IPO7: variants seen among roughly 807,000 people sequenced by gnomAD.
IPO7 encodes importin 7, also known as importin-7.
In IPO7, 13 loss-of-function variants were observed where a neutral mutation model predicts 136.4. The ratio of observed to expected loss-of-function variants is 0.10; its 90% CI spans 0.06 to 0.15. The LOEUF (loss-of-function observed/expected upper bound fraction) is 0.15. Ranked by LOEUF, IPO7 falls within the 10% of genes least tolerant of loss-of-function variation. The pLI, the probability that IPO7 is intolerant of heterozygous loss-of-function variation, is 1.00. For missense variants in IPO7, 857 were observed against 1,240.6 expected, an observed-to-expected ratio of 0.69 and a Z score of 4.65; for synonymous variants, 403 against 404.4, an observed-to-expected ratio of 1.00 and a Z score of 0.04.
intron 2 of IPO7, among the ~76,000 whole-genome samples, chr11:9,403,711 A>G (rs1372497685): frequency 6.6e-6 from 1 of 152,194 alleles, no homozygotes; most frequent in Non-Finnish European, 1.5e-5. Context: ...TTTTGCTTTT[A>G]TCGTTTTAAC....
rs113591524 is a variant in IPO7, at chr11:9,414,393, C to T, written c.618C>T (p.Ile206=). The T allele has an allele frequency of 1.1e-5, 17 of 1,606,220 alleles. No homozygotes were observed. The African/African-American group carries it at 1.3e-4, about 13-fold the overall frequency. The change falls in exon 5 of 25, where the codon ATC becomes ATT. Residue 206 remains isoleucine, a synonymous_variant. Transcript: ENST00000379719. ...TCATCCAGAAACAGATATTCAAGAT[C>T]TTCTATGCTCTTGTTCAGGTAATAT... ...SVLIQKQIFK[I]FYALVQYTLP...
At chr11:9,406,433 G>A (rs1017852022) in intron 2 of IPO7, among the ~76,000 whole-genome samples, 13 of 152,026 alleles carry the variant, frequency 8.6e-5, no homozygotes, top group African/African-American at 3.1e-4. Context: ...TGACCTTTAG[G>A]AGTGATATTA....
At chr11:9,434,806 C>G (rs941101673) in intron 18 of IPO7, 128 bp from the exon 19 acceptor site, 2 of 690,494 alleles carry the variant, frequency 2.9e-6, no homozygotes, top group Admixed American at 2.3e-5. Context: ...CCCCCTCCCC[C>G]CAAAAAAAGG....
rs1284698011 is a variant in IPO7 at position 9,433,605 on chromosome 11, C to T, written c.1917C>T (p.Val639=). ...AGCTTGAGGGAATCTGCTTACAGGT[C>T]ATTGGTACTGTTTTACAACAGCATG... ...TQQLEGICLQ[V]IGTVLQQHVL... Residue 639 remains valine, a synonymous_variant, in exon 17 of 25, where the codon GTC becomes GTT. Coordinates refer to ENST00000379719, the MANE Select transcript of IPO7 (RefSeq NM_006391.3). 6.2e-7 allele frequency: 1 copy of T among 1,612,456 alleles called. No homozygotes were observed. The highest frequency in any genetic ancestry group is 8.5e-7 in the Non-Finnish European group (1 of 1,179,880).
intron 2 of IPO7, among the ~76,000 whole-genome samples, chr11:9,403,706 C>G (rs966154156): frequency 6.6e-6 from 1 of 152,098 alleles, no homozygotes. Flanking sequence ...CACCTTTTTG[C>G]TTTTATCGTT....
At chr11:9,429,864 A>G (rs772070992) in intron 15 of IPO7, 30 bp downstream of exon 15, 23 of 1,531,326 alleles carry the variant, frequency 1.5e-5, no homozygotes, top group South Asian at 4.9e-5. Flanking sequence ...CATATTTGCA[A>G]GCATTTTAAT....
intron 6 of IPO7, among the ~76,000 whole-genome samples, chr11:9,418,519 A>AT (rs1855075953): frequency 6.6e-6 from 1 of 152,190 alleles, no homozygotes; most frequent in South Asian, 2.1e-4. Flanking sequence ...CCAAAGTCCT[A>AT]TTTTGTAGTT....
chr11:9,433,977 G>A (rs951163915), intron 18 of IPO7, 131 bp downstream of exon 18: 60 of 857,436 alleles, frequency 7.0e-5, no homozygotes, highest in Non-Finnish European at 1.0e-4. Flanking sequence ...AGGCTGGAGT[G>A]CAATGGTGCG....
Position 9,445,388 on chromosome 11 carries a change from T to G in IPO7, c.*194T>G, listed in dbSNP as rs1289036485. On this transcript the variant is annotated 3_prime_UTR_variant, in exon 25 of 25. Transcript: ENST00000379719. ...AAAGAAATCAGCGGGATTTTGGGGGTGGGGGGGGATGGGAGGTACCTTAGA... is the reference window on the plus strand; with the variant it reads ...AAAGAAATCAGCGGGATTTTGGGGGGGGGGGGGGATGGGAGGTACCTTAGA... 6.1e-3 allele frequency: 883 copies of G among 144,746 alleles called. No homozygotes were observed. The highest frequency in any genetic ancestry group is 6.6e-3 in the Non-Finnish European group (455 of 69,276). The allele number at this position is 144,746 out of a possible 1,614,324, so 9.0% of individuals were successfully genotyped here. A position where few individuals can be genotyped will look rare whatever the true frequency, so the allele number is the denominator to read the frequency against.
intron 16 of IPO7, 81 bp downstream of exon 16, chr11:9,431,084 T>C: frequency 1.8e-6 from 2 of 1,114,566 alleles, no homozygotes; most frequent in Admixed American, 2.2e-5. Flanking sequence ...TGGCATCTCA[T>C]GTACCATGTT....
At chr11:9,438,629 TA>T (rs199574856) in intron 22 of IPO7, among the ~76,000 whole-genome samples, 77 of 150,672 alleles carry the variant, frequency 5.1e-4, no homozygotes, top group African/African-American at 1.8e-3. Context: ...CATCTCAGAT[TA>T]AAAAAAAATA....
rs967121074 is a variant in IPO7 at position 9,446,033 on chromosome 11, CCTCT to C, written c.*840_*843del. ...TCATTGCTGCTAAAAATGACAACTC[CCTCT>C]GTGTCCTGTTTTTCTTAAAGCTGTC... On this transcript the variant is annotated 3_prime_UTR_variant, in exon 25 of 25. Transcript: ENST00000379719. 1 of 152,028 alleles carries C rather than the reference CCTCT, an allele frequency of 6.6e-6. No individual in the cohort carries two copies. The highest frequency in any genetic ancestry group is 2.4e-5 in the African/African-American group (1 of 41,370). The allele number at this position is 152,028 out of a possible 1,614,324, so 9.4% of individuals were successfully genotyped here.
rs1174159658 is a variant in IPO7, at chr11:9,444,234, C to T, written c.3020-863C>T. ...CAGAGGTTGCAGTGAGCCAACATTG[C>T]GCCACTGCACTCCAGCCTGGGTGAC... On this transcript the variant is annotated intron_variant, in intron 24 of 24. Transcript: ENST00000379719. Among the ~76,000 whole-genome samples, 12 of 146,980 alleles carry T rather than the reference C, an allele frequency of 8.2e-5. 1 individual carries two copies. Among genetic ancestry groups the T allele is most frequent in the African/African-American group, 2.5e-4 (10 of 39,790 alleles).
At chr11:9,430,032 A>G (rs1173643157) in intron 15 of IPO7, among the ~76,000 whole-genome samples, 198 bp downstream of exon 15, 3 of 152,148 alleles carry the variant, frequency 2.0e-5, no homozygotes, top group African/African-American at 7.2e-5. Flanking sequence ...ACCTCTTATC[A>G]GACAGGCAAT....
intron 1 of IPO7, among the ~76,000 whole-genome samples, chr11:9,390,088 G>A (rs1473334013): frequency 1.3e-5 from 2 of 151,862 alleles, no homozygotes; most frequent in Non-Finnish European, 2.9e-5. Flanking sequence ...ACGGGGTTTC[G>A]CCATGTTGGC....
chr11:9,429,275 T>C (rs1041581249), intron 14 of IPO7, 79 bp downstream of exon 14: 4 of 1,205,272 alleles, frequency 3.3e-6, no homozygotes, highest in Non-Finnish European at 4.8e-6. Context: ...AGCACTTCGG[T>C]AGGCTTAGGT....
chr11:9,412,751 G>A (rs925882520), intron 4 of IPO7, among the ~76,000 whole-genome samples: 14 of 152,084 alleles, frequency 9.2e-5, no homozygotes, highest in African/African-American at 3.1e-4. Flanking sequence ...AGGATAGCTT[G>A]AGCCTGGAAG....
intron 4 of IPO7, among the ~76,000 whole-genome samples, chr11:9,413,113 C>T (rs897235681): frequency 1.3e-5 from 2 of 152,008 alleles, no homozygotes; most frequent in Admixed American, 6.6e-5. Flanking sequence ...CTCCTGACCT[C>T]GTGATCCTCC....
intron 3 of IPO7, among the ~76,000 whole-genome samples, chr11:9,409,334 C>CCTGACCT (rs1436997818): frequency 6.6e-6 from 1 of 152,052 alleles, no homozygotes; most frequent in Non-Finnish European, 1.5e-5. Context: ...GTCTGGAACA[C>CCTGACCT]CTGACCTCAA....
Sources: allele counts gnomAD v4.1 joint callset (sites outside exome capture counted in the v4.1 genomes callset), GRCh38; gene constraint gnomAD v4.1.1; transcripts MANE v1.5; gene names NCBI Gene and HGNC (gene_info 2026-07-23, HGNC 2026-07-21).